Variants in PPP3CB observed in about 807,000 individuals in gnomAD.
PPP3CB encodes the protein serine/threonine-protein phosphatase 2B catalytic subunit beta isoform.
Under a neutral mutation model 66.4 loss-of-function variants are expected in PPP3CB, and 8 were observed. That is an observed-to-expected ratio of 0.12 (90% CI 0.07 to 0.22). The LOEUF (loss-of-function observed/expected upper bound fraction) is 0.22, where lower values mean the gene tolerates loss of function less well. PPP3CB is among the 10% of genes least tolerant of loss of function. The pLI is 1.00. For missense variants in PPP3CB, 319 were observed against 642.5 expected, an observed-to-expected ratio of 0.50 and a Z score of 5.44; for synonymous variants, 208 against 221.2, an observed-to-expected ratio of 0.94 and a Z score of 0.53.
intron 1 of PPP3CB, among the ~76,000 whole-genome samples, chr10:73,487,132 T>C (rs1434844824): frequency 6.6e-6 from 1 of 152,204 alleles, no homozygotes; most frequent in East Asian, 1.9e-4. Flanking sequence ...ATTGGGCCAC[T>C]GTACTCCCGC....
chr10:73,466,450 G>C (rs567763780), intron 9 of PPP3CB, among the ~76,000 whole-genome samples: 1 of 152,098 alleles, frequency 6.6e-6, no homozygotes, highest in African/African-American at 2.4e-5. Context: ...GCAGGAGAGT[G>C]AGCAGGATGA....
rs566837153 is a variant in PPP3CB, at chr10:73,437,051, T to C, written c.*1191A>G. 7 of 152,644 alleles carry C rather than the reference T, an allele frequency of 4.6e-5. No individual in the cohort carries two copies. The highest frequency in any genetic ancestry group is 2.1e-4 in the South Asian group (1 of 4,830). 9.5% of individuals were successfully genotyped at this position (152,644 alleles called of 1,614,324 possible). ...AGTGGCAATCAATACAGGTCAATAA[T>C]TGTGAAAAATTAGCACATGGTTCCA... is the stretch of plus-strand genomic sequence containing the variant. On this transcript the variant is annotated 3_prime_UTR_variant, in exon 14 of 14. Coordinates refer to ENST00000360663, the MANE Select transcript of PPP3CB (RefSeq NM_021132.4).
At chr10:73,440,956 C>T (rs2056136595) in intron 12 of PPP3CB, among the ~76,000 whole-genome samples, 1 of 152,106 alleles carries the variant, frequency 6.6e-6, no homozygotes, top group African/African-American at 2.4e-5. Flanking sequence ...ACACTGAGGA[C>T]CAGGACTCAA....
intron 13 of PPP3CB, among the ~76,000 whole-genome samples, chr10:73,439,080 C>T (rs773419264): frequency 2.0e-5 from 3 of 152,126 alleles, no homozygotes; most frequent in African/African-American, 7.2e-5. Flanking sequence ...CCATACTGCA[C>T]AGTCTTTGGA....
At chr10:73,461,707 T>C (rs2056524101) in intron 9 of PPP3CB, among the ~76,000 whole-genome samples, 1 of 152,192 alleles carries the variant, frequency 6.6e-6, no homozygotes, top group Admixed American at 6.5e-5. Flanking sequence ...GTTAAGACTT[T>C]GGGGAACCAT....
chr10:73,459,675 C>A (rs1299853912), intron 9 of PPP3CB, among the ~76,000 whole-genome samples: 1 of 152,178 alleles, frequency 6.6e-6, no homozygotes, highest in Non-Finnish European at 1.5e-5. Flanking sequence ...CACAGATAAA[C>A]CTTGAGACCA....
At chr10:73,476,465 A>C (rs1266456005) in intron 3 of PPP3CB, among the ~76,000 whole-genome samples, 1 of 151,992 alleles carries the variant, frequency 6.6e-6, no homozygotes, top group Non-Finnish European at 1.5e-5. Context: ...AAAAATACAA[A>C]AACTAGCCGG....
chr10:73,453,095 C>A (rs1237916617), intron 10 of PPP3CB, among the ~76,000 whole-genome samples: 1 of 152,122 alleles, frequency 6.6e-6, no homozygotes, highest in East Asian at 1.9e-4. Context: ...TACTATATAG[C>A]CATGAAGAAA....
intron 12 of PPP3CB, 82 bp from the exon 13 acceptor site, chr10:73,439,983 C>A: frequency 7.3e-7 from 1 of 1,370,212 alleles, no homozygotes; most frequent in South Asian, 1.2e-5. Flanking sequence ...AGGCAATGAT[C>A]ACTTAAAATA....
intron 1 of PPP3CB, among the ~76,000 whole-genome samples, chr10:73,490,451 G>C (rs2057054077): frequency 6.6e-6 from 1 of 152,178 alleles, no homozygotes; most frequent in African/African-American, 2.4e-5. Context: ...TTTCACGACT[G>C]TGATGTTCCA....
chr10:73,460,231 C>G lies in PPP3CB; in HGVS notation c.1109-5742G>C, dbSNP rs562928029. ...TAAAGTATACATTTTCATCCAGAAA[C>G]TTGGCTTCTGAAAGAAAGGCAAGAA... On this transcript the variant is annotated intron_variant, in intron 9 of 13. Transcript: ENST00000360663. Among the ~76,000 whole-genome samples the G allele has an allele frequency of 4.9e-5, 6 of 122,116 alleles. No homozygotes were observed. In the South Asian group the frequency reaches 1.3e-3, roughly 25 times the overall value. The allele number at this position is 122,116 out of a possible 152,430, so 80.1% of individuals were successfully genotyped here.
intron 9 of PPP3CB, chr10:73,466,829 T>C (rs2056624301): frequency 6.6e-6 from 1 of 152,194 alleles, no homozygotes; most frequent in Non-Finnish European, 1.5e-5. Flanking sequence ...TGTACTCTCA[T>C]AATGTCATTT....
chr10:73,483,425 C>G (rs1393277183), intron 1 of PPP3CB, among the ~76,000 whole-genome samples: 1 of 152,150 alleles, frequency 6.6e-6, no homozygotes, highest in Admixed American at 6.5e-5. Flanking sequence ...GAGGCTGAGG[C>G]AGGTGGATCA....
intron 1 of PPP3CB, among the ~76,000 whole-genome samples, chr10:73,483,999 C>A (rs1184613230): frequency 1.3e-5 from 2 of 151,680 alleles, no homozygotes; most frequent in African/African-American, 2.4e-5. Context: ...CAAAAATTAG[C>A]CAGGTGTGGT....
intron 9 of PPP3CB, among the ~76,000 whole-genome samples, chr10:73,456,011 A>C (rs1300120550): frequency 6.6e-6 from 1 of 152,254 alleles, no homozygotes; most frequent in East Asian, 1.9e-4. Flanking sequence ...TACTCAATAA[A>C]TATCTAACAA....
intron 1 of PPP3CB, among the ~76,000 whole-genome samples, chr10:73,482,590 G>T (rs971049232): frequency 7.4e-6 from 1 of 135,386 alleles, no homozygotes; most frequent in Non-Finnish European, 1.6e-5. Context: ...TAAAAAAAAA[G>T]CTGTGTTCTA....
chr10:73,460,918 C>G (rs2056510141), intron 9 of PPP3CB, among the ~76,000 whole-genome samples: 1 of 152,234 alleles, frequency 6.6e-6, no homozygotes, highest in African/African-American at 2.4e-5. Context: ...AGAGCCCTCA[C>G]AGAGAGACAC....
intron 9 of PPP3CB, 40 bp from the exon 10 acceptor site, chr10:73,454,529 A>G (rs747765120): frequency 4.4e-6 from 6 of 1,373,296 alleles, no homozygotes; most frequent in Non-Finnish European, 6.2e-6. Context: ...CTGACCATAT[A>G]TAACTGTCTA....
At position 73,451,906 on chromosome 10, in the gene PPP3CB, C is replaced by A. The variant is rs185962723; in HGVS notation, c.1186+2506G>T. Among the ~76,000 whole-genome samples, 393 of 151,930 alleles carry A rather than the reference C, an allele frequency of 2.6e-3. 2 individuals are homozygous for A. The highest frequency in any genetic ancestry group is 9.0e-3 in the African/African-American group (373 of 41,454). On this transcript the variant is annotated intron_variant, in intron 10 of 13. Transcript: ENST00000360663. The stretch of plus-strand genomic sequence containing the variant: ...GACTACAAGCACCCACCACAACGAC[C>A]GGCTAATTTTTTGTATTTTTGGTAG...
Sources: allele counts gnomAD v4.1 joint callset (sites outside exome capture counted in the v4.1 genomes callset), GRCh38; gene constraint gnomAD v4.1.1; transcripts MANE v1.5; gene names NCBI Gene and HGNC (gene_info 2026-07-23, HGNC 2026-07-21).